The following METTL15 variants were observed in gnomAD, a reference collection of about 807,000 sequenced individuals.
METTL15 encodes 12S rRNA N(4)-cytidine methyltransferase METTL15.
A neutral mutation model predicts 38.3 loss-of-function variants in METTL15; 34 were observed. The observed-to-expected ratio is 0.89, with a 90% CI of 0.68 to 1.18. The LOEUF is 1.18. METTL15 is among the 50% of genes most tolerant of loss of function. The pLI is 0.00. For missense variants in METTL15, 438 were observed against 498.4 expected, an observed-to-expected ratio of 0.88 and a Z score of 1.15; for synonymous variants, 162 against 170.9, an observed-to-expected ratio of 0.95 and a Z score of 0.41.
chr11:28,361,913 A>G (rs1166929849), intron 4 of METTL15: 1 of 151,944 alleles, frequency 6.6e-6, no homozygotes, highest in African/African-American at 2.4e-5. Flanking sequence ...TCTGCTTCTT[A>G]TTTATGTTTC....
intron 5 of METTL15, among the ~76,000 whole-genome samples, chr11:28,392,083 T>C (rs1850515240): frequency 6.6e-6 from 1 of 152,018 alleles, no homozygotes; most frequent in African/African-American, 2.4e-5. Flanking sequence ...AGGGCTAATA[T>C]CCAGAATCTA....
At chr11:28,222,188 C>T (rs1051200433) in intron 4 of METTL15, among the ~76,000 whole-genome samples, 6 of 152,302 alleles carry the variant, frequency 3.9e-5, no homozygotes, top group Admixed American at 6.5e-5. Flanking sequence ...CCTTGAGCTG[C>T]GGTGGGCTTC....
chr11:28,465,030 G>A (rs1851245291), intron 6 of METTL15, among the ~76,000 whole-genome samples: 1 of 152,106 alleles, frequency 6.6e-6, no homozygotes, highest in Non-Finnish European at 1.5e-5. Flanking sequence ...CATCTTTTTA[G>A]TATGATCTGG....
chr11:28,516,452 G>C (rs1180312684), intron 6 of METTL15, among the ~76,000 whole-genome samples: 1 of 152,198 alleles, frequency 6.6e-6, no homozygotes, highest in African/African-American at 2.4e-5. Context: ...ACTAGCCTCA[G>C]CTGATGAGCT....
intron 4 of METTL15, among the ~76,000 whole-genome samples, chr11:28,280,579 T>C (rs1477701863): frequency 6.6e-6 from 1 of 152,028 alleles, no homozygotes; most frequent in Non-Finnish European, 1.5e-5. Flanking sequence ...CCATTGTTTT[T>C]GAATATTGCT....
At chr11:28,298,903 G>T (rs1856825573) in intron 6 of METTL15, among the ~76,000 whole-genome samples, 1 of 152,054 alleles carries the variant, frequency 6.6e-6, no homozygotes, top group Admixed American at 6.6e-5. Context: ...GAGAGAGGCT[G>T]CTTTATACTA....
At chr11:28,399,498 A>G (rs1850608905) in intron 5 of METTL15, among the ~76,000 whole-genome samples, 1 of 151,902 alleles carries the variant, frequency 6.6e-6, no homozygotes, top group Admixed American at 6.6e-5. Context: ...TCATAAAGCA[A>G]TGTGTCTAAT....
intron 6 of METTL15, among the ~76,000 whole-genome samples, chr11:28,498,601 T>A (rs1370593062): frequency 1.3e-5 from 2 of 152,208 alleles, no homozygotes; most frequent in Non-Finnish European, 2.9e-5. Context: ...CTATTTGTCC[T>A]TTCCTTTTGC....
At position 28,332,097 on chromosome 11, in the gene METTL15, G is replaced by A. The variant is rs1013716612; in HGVS notation, c.*1256G>A. ...GTGGGCAAAATAGATAGAATTAAAT[G>A]CATGAATTTTCCTCAGACTTATTTT... On this transcript the variant is annotated 3_prime_UTR_variant, in exon 7 of 7. Coordinates refer to ENST00000407364, the MANE Select transcript of METTL15 (RefSeq NM_001113528.2). 1 of 152,136 alleles carries A rather than the reference G, an allele frequency of 6.6e-6. No homozygotes were observed. Among genetic ancestry groups the A allele is most frequent in the African/African-American group, 2.4e-5 (1 of 41,440 alleles). The allele number at this position is 152,136 out of a possible 1,614,324, so 9.4% of individuals were successfully genotyped here.
intron 5 of METTL15, among the ~76,000 whole-genome samples, chr11:28,392,998 A>G (rs1052337093): frequency 2.0e-5 from 3 of 152,132 alleles, no homozygotes; most frequent in Admixed American, 6.6e-5. Context: ...AAAAAAAGAA[A>G]AAAAAGCAAA....
chr11:28,472,681 A>G (rs1279850379), intron 6 of METTL15, among the ~76,000 whole-genome samples: 1 of 152,176 alleles, frequency 6.6e-6, no homozygotes, highest in Non-Finnish European at 1.5e-5. Flanking sequence ...AAATAAACTC[A>G]AGGAGAGATT....
intron 3 of METTL15, among the ~76,000 whole-genome samples, chr11:28,120,536 A>C (rs2133605170): frequency 6.6e-6 from 1 of 152,102 alleles, no homozygotes; most frequent in African/African-American, 2.4e-5. Flanking sequence ...AATTAAAAAA[A>C]AACAAAAAAA....
intron 3 of METTL15, among the ~76,000 whole-genome samples, chr11:28,145,990 A>G (rs1181115083): frequency 6.6e-6 from 1 of 152,066 alleles, no homozygotes; most frequent in Non-Finnish European, 1.5e-5. Flanking sequence ...ATATTTAAAT[A>G]TGGCTTGGTG....
rs544231643 is a variant in METTL15, at chr11:28,137,455, C to T, written c.270+23851C>T. On this transcript the variant is annotated intron_variant, in intron 3 of 6. Transcript: ENST00000407364. ...TATATGTTATAACAGTAACTGTTAG[C>T]AATTTTTAATTTTAGTGTAAAGGCT... Among the ~76,000 whole-genome samples, 3 of 152,238 alleles carry T rather than the reference C, an allele frequency of 2.0e-5. No homozygotes were observed. The East Asian group carries it at 5.8e-4, about 29-fold the overall frequency.
chr11:28,441,000 AT>A (rs994383357), intron 6 of METTL15, among the ~76,000 whole-genome samples: 380 of 146,640 alleles, frequency 2.6e-3, no homozygotes, highest in African/African-American at 7.8e-3. Context: ...TGTAGAAACA[AT>A]TTTTTTTTGT....
chr11:28,296,524 G>A (rs1378222206), intron 5 of METTL15, among the ~76,000 whole-genome samples: 1 of 152,122 alleles, frequency 6.6e-6, no homozygotes, highest in Non-Finnish European at 1.5e-5. Context: ...TTGACTTCCT[G>A]CTGCCTTGAC....
At chr11:28,399,781 G>A (rs755356284) in intron 5 of METTL15, among the ~76,000 whole-genome samples, 1 of 151,826 alleles carries the variant, frequency 6.6e-6, no homozygotes, top group Non-Finnish European at 1.5e-5. Flanking sequence ...AAATCTTTAT[G>A]TATAATTTGC....
chr11:28,227,620 A>G (rs1024545900), intron 4 of METTL15, among the ~76,000 whole-genome samples: 3 of 151,962 alleles, frequency 2.0e-5, no homozygotes, highest in African/African-American at 7.2e-5. Flanking sequence ...ACAGAGTGGT[A>G]AGTTAGGGCT....
chr11:28,281,622 A>G (rs1202123089), intron 4 of METTL15, among the ~76,000 whole-genome samples: 3 of 152,216 alleles, frequency 2.0e-5, no homozygotes, highest in Non-Finnish European at 4.4e-5. Flanking sequence ...ACAGAAATAG[A>G]TGTTTCCAAA....
Sources: allele counts gnomAD v4.1 joint callset (sites outside exome capture counted in the v4.1 genomes callset), GRCh38; gene constraint gnomAD v4.1.1; transcripts MANE v1.5; gene names NCBI Gene and HGNC (gene_info 2026-07-23, HGNC 2026-07-21).